STK32B: variants seen among roughly 807,000 people sequenced by gnomAD.
STK32B encodes the protein serine/threonine kinase 32B, also known as serine/threonine-protein kinase 32B.
In STK32B, 43 loss-of-function variants were observed where a neutral mutation model predicts 52.6. The observed-to-expected ratio is 0.82, with a 90% CI of 0.64 to 1.05. The LOEUF is 1.05. Among genes scored for constraint, STK32B ranks in the 50% least tolerant of loss-of-function variants. The pLI, the probability that STK32B is intolerant of heterozygous loss-of-function variation, is 0.00. For missense variants in STK32B, 621 were observed against 534.6 expected (o/e 1.16, Z -1.59); for synonymous variants, 238 against 204.3 (o/e 1.17, Z -1.41).
intron 1 of STK32B, among the ~76,000 whole-genome samples, chr4:5,118,751 C>G (rs1714871413): frequency 6.6e-6 from 1 of 152,194 alleles, no homozygotes. Flanking sequence ...ATCTGGTTAA[C>G]CCTGGTCACT....
intron 2 of STK32B, among the ~76,000 whole-genome samples, chr4:5,148,736 C>T (rs548733533): frequency 1.1e-4 from 16 of 151,870 alleles, no homozygotes; most frequent in African/African-American, 3.9e-4. Flanking sequence ...AAATATTAGT[C>T]CAGTCAAAGT....
intron 3 of STK32B, among the ~76,000 whole-genome samples, chr4:5,193,855 CT>C (rs1179268859): frequency 6.6e-6 from 1 of 152,236 alleles, no homozygotes; most frequent in African/African-American, 2.4e-5. Flanking sequence ...ACAGAGACTG[CT>C]GCATTCAGGA....
At position 5,242,506 on chromosome 4, in the gene STK32B, A is replaced by G. The variant is rs1056173024; in HGVS notation, c.260+74056A>G. Among the ~76,000 whole-genome samples the G allele has an allele frequency of 5.3e-5, 8 of 151,704 alleles. No homozygotes were observed. The South Asian group carries it at 1.7e-3, about 32-fold the overall frequency. ...TTTGTCAGATGAGTAGGTTGCAAAA[A>G]TTTTCTCCCATTCTGTGGGTTGCCT... On this transcript the variant is annotated intron_variant, in intron 3 of 11. Transcript: ENST00000282908.
intron 4 of STK32B, among the ~76,000 whole-genome samples, chr4:5,341,662 A>G (rs1481300295): frequency 6.6e-6 from 1 of 152,172 alleles, no homozygotes; most frequent in African/African-American, 2.4e-5. Flanking sequence ...TAAAGAAAAG[A>G]AGTTTATAAA....
intron 1 of STK32B, among the ~76,000 whole-genome samples, chr4:5,071,969 T>C (rs1047771871): frequency 6.6e-6 from 1 of 152,164 alleles, no homozygotes; most frequent in Admixed American, 6.5e-5. Flanking sequence ...GTTGCCAATT[T>C]GATTTGTTTC....
intron 1 of STK32B, among the ~76,000 whole-genome samples, chr4:5,131,295 G>C (rs10010084): frequency 6.6e-6 from 1 of 152,058 alleles, no homozygotes; most frequent in Admixed American, 6.6e-5. Context: ...ATCAGCTTTC[G>C]TCAGGCAGGC....
chr4:5,043,144 A>G, the STK32B span, among the ~76,000 whole-genome samples: 1 of 148,740 alleles, frequency 6.7e-6, no homozygotes, highest in South Asian at 2.1e-4. Context: ...AAACCTGTGC[A>G]GCATGAATAC....
intron 3 of STK32B, among the ~76,000 whole-genome samples, chr4:5,250,644 C>T (rs1725862925): frequency 6.6e-6 from 1 of 152,140 alleles, no homozygotes; most frequent in Non-Finnish European, 1.5e-5. Flanking sequence ...TGCCAAACTA[C>T]TTTCCACAGT....
Position 5,395,871 on chromosome 4 carries a change from C to T in STK32B, c.435-2336C>T, listed in dbSNP as rs994684254. Among the ~76,000 whole-genome samples the T allele has an allele frequency of 6.6e-6, 1 of 152,216 alleles. No homozygotes were observed. Among genetic ancestry groups the T allele is most frequent in the East Asian group, 1.9e-4 (1 of 5,196 alleles). On this transcript the variant is annotated intron_variant, in intron 4 of 11. Coordinates refer to ENST00000282908, the MANE Select transcript of STK32B (RefSeq NM_018401.3). The surrounding 1 kb of genome is among the most constrained non-coding windows in gnomAD (Gnocchi z 4.4). ...AACAGAACAGCCCCTTTCCTTGGCT[C>T]TGTGGGGTCTAGGGACCAAGGTGGC... is the stretch of plus-strand genomic sequence containing the variant.
At chr4:5,131,950 A>T (rs1467512629) in intron 1 of STK32B, among the ~76,000 whole-genome samples, 1 of 149,148 alleles carries the variant, frequency 6.7e-6, no homozygotes, top group African/African-American at 2.5e-5. Flanking sequence ...TAACTGAAGG[A>T]TTTGAGATGG....
At chr4:5,397,116 T>C (rs1386060237) in intron 4 of STK32B, among the ~76,000 whole-genome samples, 1 of 152,248 alleles carries the variant, frequency 6.6e-6, no homozygotes, top group Non-Finnish European at 1.5e-5. Context: ...ACAGTGTGTT[T>C]TCAGGTAGAA....
intron 3 of STK32B, among the ~76,000 whole-genome samples, chr4:5,201,897 G>C (rs1722176898): frequency 6.6e-6 from 1 of 152,142 alleles, no homozygotes; most frequent in Non-Finnish European, 1.5e-5. Flanking sequence ...ATATTTGGGT[G>C]GGGTCACAGA....
chr4:5,486,055 G>C (rs1042660198), intron 11 of STK32B, among the ~76,000 whole-genome samples: 1 of 152,324 alleles, frequency 6.6e-6, no homozygotes, highest in Middle Eastern at 3.4e-3. Flanking sequence ...TGAGGAGGCA[G>C]TCTGTCCGTT....
In STK32B at chr4:5,451,003, C is replaced by G. The variant is rs561054026; in HGVS notation, c.666+4227C>G. ...TGGTGTTGTGATTTGGGCTAAGTCA[C>G]TTAACTTCATCTGAGCCCTGGCTTC... On this transcript the variant is annotated intron_variant, in intron 7 of 11. Transcript: ENST00000282908. Among the ~76,000 whole-genome samples, 3 of 152,318 alleles carry G rather than the reference C, an allele frequency of 2.0e-5. No homozygotes were observed. In the South Asian group the frequency reaches 6.2e-4, roughly 32 times the overall value.
At chr4:5,474,256 G>A (rs900836111) in intron 11 of STK32B, among the ~76,000 whole-genome samples, 1 of 152,182 alleles carries the variant, frequency 6.6e-6, no homozygotes, top group Non-Finnish European at 1.5e-5. Context: ...GCGCCAATGA[G>A]GCACAAGGGG....
intron 4 of STK32B, among the ~76,000 whole-genome samples, chr4:5,368,799 CTG>C (rs1735038668): frequency 6.6e-6 from 1 of 152,204 alleles, no homozygotes; most frequent in African/African-American, 2.4e-5. Context: ...CCTGGGGACA[CTG>C]TGCAAGCCCA....
chr4:5,489,677 G>T (rs752147023), intron 11 of STK32B, among the ~76,000 whole-genome samples: 3 of 151,602 alleles, frequency 2.0e-5, no homozygotes, highest in Non-Finnish European at 4.4e-5. Context: ...CTGGAGTGCT[G>T]CAGCACAATC....
rs1228390147 is a variant in STK32B at position 5,453,113 on chromosome 4, C to A, written c.667-3694C>A. Among the ~76,000 whole-genome samples the A allele has an allele frequency of 2.6e-5, 4 of 151,996 alleles. No individual in the cohort carries two copies. The highest frequency in any genetic ancestry group is 4.8e-5 in the African/African-American group (2 of 41,382). ...TAGTCATCATGTTCCGAACTCATTT[C>A]TAAATGTATTTCCTGCACTGGCTTC... On this transcript the variant is annotated intron_variant, in intron 7 of 11. Coordinates refer to ENST00000282908, the MANE Select transcript of STK32B (RefSeq NM_018401.3). The surrounding 1 kb of genome is among the most constrained non-coding windows in gnomAD (Gnocchi z 4.0).
chr4:5,485,453 AC>A (rs1407388406), intron 11 of STK32B, among the ~76,000 whole-genome samples: 2 of 151,262 alleles, frequency 1.3e-5, no homozygotes, highest in Non-Finnish European at 2.9e-5. Context: ...TCCTTTAAGG[AC>A]TTCTCTGTAT....
Sources: allele counts gnomAD v4.1 joint callset (sites outside exome capture counted in the v4.1 genomes callset), GRCh38; gene constraint gnomAD v4.1.1; non-coding constraint Gnocchi (gnomAD v3.1); transcripts MANE v1.5; gene names NCBI Gene and HGNC (gene_info 2026-07-23, HGNC 2026-07-21).